The following EDEM1 variants were observed in gnomAD, a reference collection of about 807,000 sequenced individuals.
The protein encoded by EDEM1 is ER degradation enhancing alpha-mannosidase like protein 1.
A neutral mutation model predicts 74.4 loss-of-function variants in EDEM1; 67 were observed. The ratio of observed to expected loss-of-function variants is 0.90; its 90% CI spans 0.74 to 1.10. EDEM1 has a LOEUF of 1.10. EDEM1 is among the 50% of genes least tolerant of loss of function. EDEM1 has a pLI of 0.00. For missense variants in EDEM1, 926 were observed against 851.6 expected (o/e 1.09, Z -1.09); for synonymous variants, 382 against 335.9 (o/e 1.14, Z -1.50).
In EDEM1 at chr3:5,187,809, C is replaced by T. The variant is rs139567935; in HGVS notation, c.4C>T (p.Gln2Ter). Residue 2 changes from glutamine to a stop codon, truncating the protein, a stop_gained, in exon 1 of 12, where the codon CAA (glutamine) becomes TAA (stop). Transcript: ENST00000256497. LOFTEE classifies it high-confidence loss of function. M[Q>*]WRALVLGLVL... ...TGCCCGCGGCGCCCGCGCGACCATG[C>T]AATGGCGAGCGCTCGTCCTGGGGCT... The T allele has an allele frequency of 3.0e-5, 48 of 1,577,656 alleles. No individual in the cohort carries two copies. The highest frequency in any genetic ancestry group is 3.8e-5 in the Non-Finnish European group (44 of 1,163,310).
chr3:5,189,591 G>A (rs1381347044), intron 1 of EDEM1: 1 of 152,148 alleles, frequency 6.6e-6, no homozygotes, highest in Non-Finnish European at 1.5e-5. Context: ...AAAGTATTTG[G>A]CCTTTCCAGA....
intron 2 of EDEM1, among the ~76,000 whole-genome samples, chr3:5,198,022 A>G (rs2054990521): frequency 6.6e-6 from 1 of 152,114 alleles, no homozygotes; most frequent in Non-Finnish European, 1.5e-5. Context: ...TCACAGGCAG[A>G]TAAAAGACAA....
chr3:5,202,140 T>C (rs2055042051), intron 4 of EDEM1, among the ~76,000 whole-genome samples: 1 of 152,258 alleles, frequency 6.6e-6, no homozygotes, highest in African/African-American at 2.4e-5. Context: ...AACAGTGATA[T>C]ATCTGACTTA....
chr3:5,214,247 G>A (rs1235725474), intron 11 of EDEM1, among the ~76,000 whole-genome samples: 2 of 152,198 alleles, frequency 1.3e-5, no homozygotes, highest in African/African-American at 4.8e-5. Flanking sequence ...ATAGGGAAAT[G>A]TAGGTCAGTC....
intron 2 of EDEM1, 49 bp downstream of exon 2, chr3:5,195,330 T>G (rs756991986): frequency 2.4e-6 from 3 of 1,235,222 alleles, no homozygotes; most frequent in Non-Finnish European, 3.3e-6. Flanking sequence ...GTTTTAGAGT[T>G]GATTATCCCT....
intron 1 of EDEM1, among the ~76,000 whole-genome samples, chr3:5,194,887 T>C (rs771151634): frequency 1.3e-5 from 2 of 152,218 alleles, no homozygotes; most frequent in Non-Finnish European, 2.9e-5. Flanking sequence ...TTTTTAAAGT[T>C]GGACAGGACC....
intron 1 of EDEM1, among the ~76,000 whole-genome samples, chr3:5,190,163 T>C (rs759414191): frequency 7.2e-5 from 11 of 152,256 alleles, no homozygotes; most frequent in Non-Finnish European, 1.5e-4. Context: ...TTCCTACCCA[T>C]ATGTCTATGC....
At chr3:5,207,338 T>C in intron 7 of EDEM1, 65 bp downstream of exon 7, 1 of 1,595,536 alleles carries the variant, frequency 6.3e-7, no homozygotes, top group Non-Finnish European at 8.5e-7. Flanking sequence ...CTCCTTTTCT[T>C]TCTTTTTTAA....
chr3:5,219,766 A>G lies in EDEM1; in HGVS notation c.*3848A>G, dbSNP rs2055291475. The G allele has an allele frequency of 6.6e-6, 1 of 152,666 alleles. No individual in the cohort carries two copies. The highest frequency in any genetic ancestry group is 6.5e-5 in the Admixed American group (1 of 15,284). 9.5% of individuals were successfully genotyped at this position (152,666 alleles called of 1,614,324 possible). A position where few individuals can be genotyped will look rare whatever the true frequency, so the allele number is the denominator to read the frequency against. On this transcript the variant is annotated 3_prime_UTR_variant, in exon 12 of 12. Coordinates refer to ENST00000256497, the MANE Select transcript of EDEM1 (RefSeq NM_014674.3). ...GGAAATACACAAATGCTTCTCTGTA[A>G]TGTGCAATATGCTTTGCAACTGTAG...
In EDEM1 at chr3:5,218,582, G is replaced by T. The variant is rs1023545202; in HGVS notation, c.*2664G>T. On this transcript the variant is annotated 3_prime_UTR_variant, in exon 12 of 12. Coordinates refer to ENST00000256497, the MANE Select transcript of EDEM1 (RefSeq NM_014674.3). ...GCCTGGCCCATCTTCCTATTCCCAC[G>T]TGTAGCTAGTGTCTAGTGTCAGCTT... 8 of 152,086 alleles carry T rather than the reference G, an allele frequency of 5.3e-5. No individual in the cohort carries two copies. The highest frequency in any genetic ancestry group is 7.2e-5 in the African/African-American group (3 of 41,408). The allele number at this position is 152,086 out of a possible 1,614,324, so 9.4% of individuals were successfully genotyped here. A position where few individuals can be genotyped will look rare whatever the true frequency, so the allele number is the denominator to read the frequency against.
chr3:5,196,960 C>T (rs1243953379), intron 2 of EDEM1, among the ~76,000 whole-genome samples: 1 of 147,428 alleles, frequency 6.8e-6, no homozygotes, highest in Non-Finnish European at 1.5e-5. Flanking sequence ...GAGAGAGTCT[C>T]GCTCTGCCGC....
rs183958455 is a variant in EDEM1, at chr3:5,203,844, A to G, written c.1042+695A>G. Among the ~76,000 whole-genome samples, 208 of 152,164 alleles carry G rather than the reference A, an allele frequency of 1.4e-3. 1 individual carries two copies. The highest frequency in any genetic ancestry group is 4.9e-3 in the African/African-American group (203 of 41,504). ...ACTTGCCGGGTTCAGTGATCCTCCC[A>G]CCTCAGCCTCCCAAGTAGCTGAGAC... is the stretch of plus-strand genomic sequence containing the variant. On this transcript the variant is annotated intron_variant, in intron 5 of 11. Coordinates refer to ENST00000256497, the MANE Select transcript of EDEM1 (RefSeq NM_014674.3).
chr3:5,193,634 GT>G (rs1380395200), intron 1 of EDEM1, among the ~76,000 whole-genome samples: 2 of 150,338 alleles, frequency 1.3e-5, no homozygotes, highest in African/African-American at 2.5e-5. Flanking sequence ...TTTCGCTCTT[GT>G]TGCCCAGGCT....
intron 1 of EDEM1, among the ~76,000 whole-genome samples, chr3:5,191,961 G>GAGAAACAAAAAAA (rs1179199186): frequency 2.6e-5 from 4 of 152,150 alleles, no homozygotes; most frequent in African/African-American, 9.7e-5. Flanking sequence ...CAACTGTATT[G>GAGAAACAAAAAAA]CTATTAAAAC....
intron 10 of EDEM1, among the ~76,000 whole-genome samples, chr3:5,212,053 G>C (rs779578462): frequency 6.6e-6 from 1 of 152,178 alleles, no homozygotes; most frequent in Non-Finnish European, 1.5e-5. Flanking sequence ...ATCTAGTTCC[G>C]TGGTTCCTAG....
At chr3:5,210,292 A>G (rs749995398) in intron 9 of EDEM1, 44 bp downstream of exon 9, 1 of 1,543,434 alleles carries the variant, frequency 6.5e-7, no homozygotes, top group Non-Finnish European at 9.0e-7. Context: ...GCCACTTTTA[A>G]TTTATTTCAA....
intron 8 of EDEM1, among the ~76,000 whole-genome samples, chr3:5,208,633 G>C (rs2055128756): frequency 6.6e-6 from 1 of 152,022 alleles, no homozygotes; most frequent in Non-Finnish European, 1.5e-5. Context: ...GTACTGTGGA[G>C]CCCCGGTCTG....
intron 10 of EDEM1, among the ~76,000 whole-genome samples, 184 bp from the exon 11 acceptor site, chr3:5,213,135 T>A (rs1210019735): frequency 6.6e-6 from 1 of 152,180 alleles, no homozygotes. Flanking sequence ...ATGAAGCAGG[T>A]GATTCTGCCT....
intron 11 of EDEM1, among the ~76,000 whole-genome samples, chr3:5,214,793 AATAG>A (rs1396415948): frequency 6.6e-6 from 1 of 152,166 alleles, no homozygotes; most frequent in East Asian, 1.9e-4. Flanking sequence ...CATACTCACT[AATAG>A]ATCTGATCCC....
Sources: allele counts gnomAD v4.1 joint callset (sites outside exome capture counted in the v4.1 genomes callset), GRCh38; gene constraint gnomAD v4.1.1; transcripts MANE v1.5; gene names NCBI Gene and HGNC (gene_info 2026-07-23, HGNC 2026-07-21).